The following CCR3 variants were observed in gnomAD, a reference collection of about 807,000 sequenced individuals.
The protein encoded by CCR3 is C-C chemokine receptor type 3.
For missense variants in CCR3, 419 were observed against 437.5 expected (o/e 0.96, Z 0.38); for synonymous variants, 203 against 179.2 (o/e 1.13, Z -1.06).
chr3:46,264,978 A>G (rs891971089), intron 1 of CCR3, 170 bp from the exon 2 acceptor site: 4 of 591,862 alleles, frequency 6.8e-6, no homozygotes, highest in Admixed American at 6.6e-5. Flanking sequence ...TTCCTTCCTC[A>G]ATCCTTTTCC....
intron 2 of CCR3, among the ~76,000 whole-genome samples, chr3:46,224,316 G>GCC (rs1338493399): frequency 6.6e-6 from 1 of 152,178 alleles, no homozygotes; most frequent in Non-Finnish European, 1.5e-5. Flanking sequence ...CAAACCCTGG[G>GCC]CCAGGCACGG....
chr3:46,241,948 C>A (rs1017862967), upstream of CCR3, among the ~76,000 whole-genome samples: 2 of 152,112 alleles, frequency 1.3e-5, no homozygotes, highest in African/African-American at 4.8e-5. Context: ...GCCTGGCCAA[C>A]ATGGTGAAAC....
At chr3:46,249,993 A>C (rs1274531117) in intron 1 of CCR3, among the ~76,000 whole-genome samples, 1 of 151,988 alleles carries the variant, frequency 6.6e-6, no homozygotes, top group Non-Finnish European at 1.5e-5. Context: ...TTGGGTAATA[A>C]AATGTATATT....
At chr3:46,212,551 C>A (rs1259417820) in intron 2 of CCR3, among the ~76,000 whole-genome samples, 1 of 151,600 alleles carries the variant, frequency 6.6e-6, no homozygotes, top group Non-Finnish European at 1.5e-5. Context: ...CTCCTCACTG[C>A]ATACTTCTTC....
chr3:46,246,973 G>A (rs1700206661), intron 1 of CCR3, among the ~76,000 whole-genome samples: 2 of 151,884 alleles, frequency 1.3e-5, no homozygotes, highest in Admixed American at 6.6e-5. Flanking sequence ...ATTGGTGATG[G>A]CCTGGATATG....
chr3:46,216,092 C>T (rs149953383), intron 2 of CCR3, among the ~76,000 whole-genome samples: 4 of 152,250 alleles, frequency 2.6e-5, no homozygotes, highest in African/African-American at 7.2e-5. Context: ...CAATAGCTAT[C>T]GGAATTTGAA....
chr3:46,222,615 T>C (rs1425156632), intron 2 of CCR3, among the ~76,000 whole-genome samples: 4 of 152,134 alleles, frequency 2.6e-5, no homozygotes, highest in Admixed American at 6.6e-5. Context: ...CTCCTCACCT[T>C]GTTCAAGCAA....
intron 1 of CCR3, among the ~76,000 whole-genome samples, chr3:46,251,903 G>C (rs1452999560): frequency 1.3e-5 from 2 of 152,088 alleles, no homozygotes; most frequent in Non-Finnish European, 2.9e-5. Flanking sequence ...CTTAAGGCAA[G>C]GACCAGCCAT....
intron 1 of CCR3, among the ~76,000 whole-genome samples, chr3:46,244,800 C>T (rs1700161384): frequency 6.6e-6 from 1 of 152,134 alleles, no homozygotes; most frequent in Admixed American, 6.5e-5. Flanking sequence ...GATGGCTTGG[C>T]TTGGGCTCAG....
intron 2 of CCR3, among the ~76,000 whole-genome samples, chr3:46,224,734 CAAA>C (rs901561258): frequency 8.4e-5 from 4 of 47,470 alleles, no homozygotes; most frequent in Non-Finnish European, 1.3e-4. Context: ...AAGACTCTGT[CAAA>C]AAAAAAAAAA....
chr3:46,229,494 T>G (rs1305148023), intron 2 of CCR3, among the ~76,000 whole-genome samples: 1 of 152,150 alleles, frequency 6.6e-6, no homozygotes, highest in African/African-American at 2.4e-5. Flanking sequence ...GCCTTAAATA[T>G]TCAGGCTGTG....
At chr3:46,240,879 G>A (rs946880241), upstream of CCR3, among the ~76,000 whole-genome samples, 1 of 152,192 alleles carries the variant, frequency 6.6e-6, no homozygotes, top group Non-Finnish European at 1.5e-5. Flanking sequence ...GCATTCAGGT[G>A]TCCAGCAGCA....
At chr3:46,242,640 G>GA (rs36089588) in intron 1 of CCR3, 102 bp downstream of exon 1, 66,645 of 151,646 alleles carry the variant, frequency 0.44, 14,767 homozygotes, top group Middle Eastern at 0.47. Context: ...GGAGGGAGGA[G>GA]AGGAAGGTAC....
chr3:46,264,292 A>T, intron 1 of CCR3: 1 of 867,510 alleles, frequency 1.2e-6, no homozygotes, highest in Non-Finnish European at 1.8e-6. Flanking sequence ...AAGGAAAGTA[A>T]CCTAAACTAA....
chr3:46,242,036 G>A (rs1318506512), upstream of CCR3, among the ~76,000 whole-genome samples: 1 of 151,834 alleles, frequency 6.6e-6, no homozygotes, highest in Non-Finnish European at 1.5e-5. Context: ...CAGAGGCTGA[G>A]GCAGGAAAAT....
chr3:46,236,909 G>A (rs909805709), intron 2 of CCR3, among the ~76,000 whole-genome samples: 1 of 152,216 alleles, frequency 6.6e-6, no homozygotes, highest in African/African-American at 2.4e-5. Flanking sequence ...AGCTGTAAGG[G>A]GAGACCTGAG....
At chr3:46,261,164 C>T (rs551398675) in intron 1 of CCR3, among the ~76,000 whole-genome samples, 34 of 152,204 alleles carry the variant, frequency 2.2e-4, no homozygotes, top group African/African-American at 7.9e-4. Flanking sequence ...AATTTATTTA[C>T]AAATGTAACA....
chr3:46,246,919 T>G (rs1575499922), intron 1 of CCR3, among the ~76,000 whole-genome samples: 1 of 150,818 alleles, frequency 6.6e-6, no homozygotes, highest in African/African-American at 2.4e-5. Flanking sequence ...TGGTAAGGGG[T>G]GATATTGTGG....
intron 2 of CCR3, among the ~76,000 whole-genome samples, chr3:46,220,342 A>T (rs551546344): frequency 6.6e-6 from 1 of 152,166 alleles, no homozygotes; most frequent in African/African-American, 2.4e-5. Flanking sequence ...AAAATAATAG[A>T]TAATAATAAT....
Sources: allele counts gnomAD v4.1 joint callset (sites outside exome capture counted in the v4.1 genomes callset), GRCh38; gene constraint gnomAD v4.1.1; transcripts MANE v1.5; gene names NCBI Gene and HGNC (gene_info 2026-07-23, HGNC 2026-07-21).